Variants in TTLL11 observed in about 807,000 individuals in gnomAD.
TTLL11 encodes the protein tubulin tyrosine ligase like 11.
Under a neutral mutation model 51.7 loss-of-function variants are expected in TTLL11, and 42 were observed. That is an observed-to-expected ratio of 0.81 (90% CI 0.64 to 1.05). The LOEUF (loss-of-function observed/expected upper bound fraction) is 1.05. TTLL11 is among the 50% of genes least tolerant of loss of function. TTLL11 has a pLI of 0.00. For synonymous variants in TTLL11, 381 were observed against 383.5 expected (o/e 0.99, Z 0.08); for missense variants, 799 against 940.4 (o/e 0.85, Z 1.97).
intron 6 of TTLL11, among the ~76,000 whole-genome samples, chr9:121,972,600 C>T (rs769476054): frequency 7.2e-5 from 11 of 152,258 alleles, no homozygotes; most frequent in Admixed American, 2.6e-4. Flanking sequence ...TCAGCCGGGC[C>T]GGCGCCATCC....
chr9:121,896,128 C>T (rs1220498883), intron 6 of TTLL11, among the ~76,000 whole-genome samples: 4 of 151,822 alleles, frequency 2.6e-5, no homozygotes, highest in Admixed American at 6.6e-5. Flanking sequence ...GTGTGTGCTC[C>T]GCCATCTACA....
In TTLL11 at chr9:121,915,661, CA is replaced by C. The variant is rs201284628; in HGVS notation, c.1482-44914del. On this transcript the variant is annotated intron_variant, in intron 6 of 8. Coordinates refer to ENST00000321582, the MANE Select transcript of TTLL11 (RefSeq NM_001139442.2). The stretch of plus-strand genomic sequence containing the variant: ...TGTACTGTTTGTGTGTGTAAAAGAA[CA>C]AAAAAATTGCTATTTTCACATGCTT... 2.0e-3 allele frequency among the ~76,000 whole-genome samples: 305 copies of C among 152,056 alleles called. 5 individuals are homozygous for C. In the East Asian group the frequency reaches 0.046, roughly 23 times the overall value.
rs537814883 is a variant in TTLL11 at position 122,058,770 on chromosome 9, AG to A, written c.463-19403del. The stretch of plus-strand genomic sequence containing the variant: ...ATCCAGTGCTTTCACTAGCTCCTTG[AG>A]ATGAGAGCTGTTATTCCTCTACTAA... On this transcript the variant is annotated intron_variant, in intron 1 of 8. Coordinates refer to ENST00000321582, the MANE Select transcript of TTLL11 (RefSeq NM_001139442.2). 2.3e-4 allele frequency among the ~76,000 whole-genome samples: 35 copies of A among 152,342 alleles called. No homozygotes were observed. In the South Asian group the frequency reaches 7.3e-3, roughly 32 times the overall value.
At chr9:121,843,168 C>A (rs1246073919) in intron 8 of TTLL11, among the ~76,000 whole-genome samples, 1 of 151,398 alleles carries the variant, frequency 6.6e-6, no homozygotes, top group Non-Finnish European at 1.5e-5. Flanking sequence ...AGACCCCCAT[C>A]TTTATTTAAA....
At chr9:121,927,162 G>A (rs551390318) in intron 6 of TTLL11, among the ~76,000 whole-genome samples, 7 of 152,192 alleles carry the variant, frequency 4.6e-5, no homozygotes, top group East Asian at 1.9e-4. Context: ...ATAGCATAGC[G>A]TTGCTTCATG....
At chr9:121,825,969 T>C (rs1836738583) in intron 8 of TTLL11, among the ~76,000 whole-genome samples, 1 of 151,294 alleles carries the variant, frequency 6.6e-6, no homozygotes, top group African/African-American at 2.4e-5. Context: ...ACAGTAAACA[T>C]GGATGCAATT....
intron 4 of TTLL11, among the ~76,000 whole-genome samples, chr9:121,987,462 G>C (rs1312112910): frequency 6.6e-6 from 1 of 152,122 alleles, no homozygotes; most frequent in Non-Finnish European, 1.5e-5. Context: ...ACCCTGCACT[G>C]TCACAGCTGA....
At chr9:121,838,299 C>T (rs1365317024) in intron 8 of TTLL11, among the ~76,000 whole-genome samples, 1 of 152,184 alleles carries the variant, frequency 6.6e-6, no homozygotes, top group Non-Finnish European at 1.5e-5. Flanking sequence ...GGACCATAAA[C>T]CTCTGCTCTC....
intron 3 of TTLL11, among the ~76,000 whole-genome samples, chr9:122,001,246 C>A (rs550254465): frequency 2.5e-4 from 38 of 152,220 alleles, no homozygotes; most frequent in African/African-American, 8.9e-4. Flanking sequence ...CAGGCGTGCA[C>A]CAACACACCT....
chr9:121,951,324 G>C (rs947911891), intron 6 of TTLL11, among the ~76,000 whole-genome samples: 2 of 152,106 alleles, frequency 1.3e-5, no homozygotes, highest in Admixed American at 6.5e-5. Flanking sequence ...TGACAGAAAA[G>C]ACATGCATAA....
intron 6 of TTLL11, among the ~76,000 whole-genome samples, chr9:121,943,292 C>T (rs927733211): frequency 6.6e-6 from 1 of 152,190 alleles, no homozygotes; most frequent in East Asian, 1.9e-4. Flanking sequence ...TCTTTTTCTC[C>T]CTTCTCAGAA....
At chr9:122,020,710 G>A (rs13298112) in intron 3 of TTLL11, among the ~76,000 whole-genome samples, 48,681 of 152,146 alleles carry the variant, frequency 0.32, 8,681 homozygotes, top group African/African-American at 0.46. Flanking sequence ...GAGCATGGAG[G>A]TGGACCCCAC....
intron 1 of TTLL11, among the ~76,000 whole-genome samples, chr9:122,059,077 G>A (rs913386497): frequency 1.3e-5 from 2 of 151,966 alleles, no homozygotes; most frequent in African/African-American, 4.8e-5. Flanking sequence ...ATGCTTTCTC[G>A]GTGCACCTTG....
intron 8 of TTLL11, among the ~76,000 whole-genome samples, chr9:121,850,757 C>G (rs1048407337): frequency 2.0e-5 from 3 of 152,156 alleles, no homozygotes; most frequent in Admixed American, 6.5e-5. Context: ...AATGCTTTAC[C>G]AGTTCTCTAG....
intron 1 of TTLL11, 83 bp downstream of exon 1, chr9:122,092,604 C>A (rs1846292024): frequency 6.6e-6 from 10 of 1,510,742 alleles, no homozygotes; most frequent in Non-Finnish European, 8.8e-6. Context: ...CGCCCGCCGA[C>A]CTGACCTGGG....
At position 122,023,903 on chromosome 9, in the gene TTLL11, C is replaced by T. The variant is rs186604370; in HGVS notation, c.693+7820G>A. The stretch of plus-strand genomic sequence containing the variant: ...ATAACCCCTAAGATCAGGAAAAAGT[C>T]CCGGACATCTGTTCACACCACTTCT... On this transcript the variant is annotated intron_variant, in intron 3 of 8. Transcript: ENST00000321582. Among the ~76,000 whole-genome samples, 56 of 152,186 alleles carry T rather than the reference C, an allele frequency of 3.7e-4. 1 individual carries two copies. The East Asian group carries it at 0.011, about 29-fold the overall frequency.
chr9:122,058,417 G>T (rs961365392), intron 1 of TTLL11, among the ~76,000 whole-genome samples: 1 of 152,256 alleles, frequency 6.6e-6, no homozygotes, highest in Non-Finnish European at 1.5e-5. Context: ...GTCATGTTCA[G>T]ATTTGGTCCT....
rs139079495 is a variant in TTLL11, at chr9:121,931,350, T to G, written c.1481+42659A>C. ...AGCTAAGTGGCTGCAAGGTTAAAAT[T>G]AGCTGCGCAGTGACTAGACTTCTTG... is the stretch of plus-strand genomic sequence containing the variant. On this transcript the variant is annotated intron_variant, in intron 6 of 8. Transcript: ENST00000321582. Among the ~76,000 whole-genome samples the G allele has an allele frequency of 3.1e-3, 472 of 152,324 alleles. 4 individuals are homozygous for G. Among genetic ancestry groups the G allele is most frequent in the Admixed American group, 8.9e-3 (136 of 15,306 alleles).
chr9:121,872,447 G>C (rs61270851), intron 6 of TTLL11, among the ~76,000 whole-genome samples: 2,958 of 152,266 alleles, frequency 0.019, 91 homozygotes, highest in African/African-American at 0.066. Context: ...ATTTCTATAA[G>C]ACCTGAAACA....
Sources: gnomAD v4.1 joint callset for allele counts (sites outside exome capture counted in the v4.1 genomes callset) on GRCh38, gnomAD v4.1.1 for gene constraint, MANE v1.5 for transcripts, NCBI Gene and HGNC (gene_info 2026-07-23, HGNC 2026-07-21) for gene names.